FNTA: variants seen among roughly 807,000 people sequenced by gnomAD.
The protein encoded by FNTA is protein farnesyltransferase/geranylgeranyltransferase type-1 subunit alpha.
FNTA carries 27 observed loss-of-function variants against 55.2 expected under a neutral mutation model. The ratio of observed to expected loss-of-function variants is 0.49; its 90% CI spans 0.36 to 0.67. The LOEUF (loss-of-function observed/expected upper bound fraction) is 0.67, where lower values mean the gene tolerates loss of function less well. Ranked by LOEUF, FNTA falls within the 30% of genes least tolerant of loss-of-function variation. The pLI, the probability that FNTA is intolerant of heterozygous loss-of-function variation, is 0.00. For synonymous variants in FNTA, 176 were observed against 170.7 expected (o/e 1.03, Z -0.24); for missense variants, 422 against 464.7 (o/e 0.91, Z 0.85).
intron 4 of FNTA, among the ~76,000 whole-genome samples, chr8:43,071,162 T>G (rs1441717936): frequency 6.6e-6 from 1 of 152,194 alleles, no homozygotes; most frequent in Admixed American, 6.5e-5. Flanking sequence ...TATAGATTTT[T>G]TAAGGGTCCG....
chr8:43,060,173 ACT>A (rs549466905), intron 2 of FNTA, among the ~76,000 whole-genome samples: 191 of 152,240 alleles, frequency 1.3e-3, no homozygotes, highest in African/African-American at 4.5e-3. Flanking sequence ...GAAATGCAAA[ACT>A]CTCATACTTT....
At chr8:43,060,408 C>T (rs535872432) in intron 2 of FNTA, among the ~76,000 whole-genome samples, 1 of 152,304 alleles carries the variant, frequency 6.6e-6, no homozygotes, top group Non-Finnish European at 1.5e-5. Flanking sequence ...GGCGCGGTGG[C>T]TCACGCCTGT....
At chr8:43,084,136 G>C (rs920506209) in intron 7 of FNTA, among the ~76,000 whole-genome samples, 4 of 148,118 alleles carry the variant, frequency 2.7e-5, no homozygotes, top group Admixed American at 2.7e-4. Flanking sequence ...GATTTATTTT[G>C]TGTGTTGTAC....
intron 3 of FNTA, among the ~76,000 whole-genome samples, chr8:43,068,486 G>T (rs191804176): frequency 6.6e-6 from 1 of 152,242 alleles, no homozygotes; most frequent in Admixed American, 6.5e-5. Context: ...CATTTTTGTG[G>T]TTGTTCTAGA....
chr8:43,072,083 T>C (rs1439279200), intron 4 of FNTA, 98 bp from the exon 5 acceptor site: 2 of 909,632 alleles, frequency 2.2e-6, no homozygotes, highest in Non-Finnish European at 3.1e-6. Flanking sequence ...TTTTTGTTTA[T>C]TGTGTGTCCT....
intron 5 of FNTA, among the ~76,000 whole-genome samples, chr8:43,074,149 C>A (rs1214582185): frequency 6.6e-6 from 1 of 152,112 alleles, no homozygotes; most frequent in East Asian, 1.9e-4. Context: ...CCTTCTTTGT[C>A]CCCAACCGAT....
In FNTA at chr8:43,079,215, T is replaced by C. The variant is rs77586519; in HGVS notation, c.782+1851T>C. Reference sequence around the variant, plus strand: ...AAGGTGGCTGCATGTAAACAGAAGATTTTCAGTGTAGATGAAACAGCCTTC... The same window carrying C: ...AAGGTGGCTGCATGTAAACAGAAGACTTTCAGTGTAGATGAAACAGCCTTC... On this transcript the variant is annotated intron_variant, in intron 6 of 8. Coordinates refer to ENST00000302279, the MANE Select transcript of FNTA (RefSeq NM_002027.3). 2.1e-3 allele frequency: 410 copies of C among 194,306 alleles called. 2 individuals are homozygous for C. Among genetic ancestry groups the C allele is most frequent in the African/African-American group, 9.3e-3 (394 of 42,462 alleles). The allele number at this position is 194,306 out of a possible 1,614,324, so 12.0% of individuals were successfully genotyped here. A position where few individuals can be genotyped will look rare whatever the true frequency, so the allele number is the denominator to read the frequency against.
At position 43,059,088 on chromosome 8, in the gene FNTA, T is replaced by C. The variant is rs1364590523; in HGVS notation, c.201-4T>C. The C allele has an allele frequency of 1.2e-6, 2 of 1,611,658 alleles. No homozygotes were observed. The highest frequency in any genetic ancestry group is 3.4e-5 in the Admixed American group (2 of 59,696). ...ACCACTGGTTGGGGAATGTCTGTTT[T>C]CAGGGACAGAGCAGAATGGGCTGAT... On this transcript the variant is annotated splice_polypyrimidine_tract_variant and splice_region_variant and intron_variant, in intron 1 of 8. Transcript: ENST00000302279.
intron 5 of FNTA, among the ~76,000 whole-genome samples, chr8:43,072,675 T>C (rs142576612): frequency 1.2e-4 from 18 of 152,222 alleles, no homozygotes; most frequent in African/African-American, 4.3e-4. Flanking sequence ...TGCAGTGAAC[T>C]ATGATTACAC....
chr8:43,071,633 T>TTGCACTCCAGCCTGGGGGACAA (rs1810792212), intron 4 of FNTA, among the ~76,000 whole-genome samples: 2 of 151,352 alleles, frequency 1.3e-5, no homozygotes, highest in African/African-American at 2.4e-5. Context: ...GATTGCGCCA[T>TTGCACTCCAGCCTGGGGGACAA]TGCACTCCAG....
chr8:43,084,985 A>T, intron 8 of FNTA, 104 bp downstream of exon 8: 1 of 1,269,394 alleles, frequency 7.9e-7, no homozygotes, highest in South Asian at 1.3e-5. Context: ...CTCAGAATTC[A>T]GTGCAGGGCT....
chr8:43,069,366 C>T (rs1810733685), intron 3 of FNTA, among the ~76,000 whole-genome samples, 189 bp from the exon 4 acceptor site: 1 of 151,622 alleles, frequency 6.6e-6, no homozygotes, highest in Non-Finnish European at 1.5e-5. Flanking sequence ...GTGACCTGCA[C>T]ACCTCGGCCT....
Position 43,085,147 on chromosome 8 carries a change from T to C in FNTA, c.1018-13T>C. On this transcript the variant is annotated splice_polypyrimidine_tract_variant and intron_variant, in intron 8 of 8. Coordinates refer to ENST00000302279, the MANE Select transcript of FNTA (RefSeq NM_002027.3). ...AATTACATATTACTTTAATTTTTAT[T>C]TTTCATTTTCAGTTATGTGAAATCC... is the stretch of plus-strand genomic sequence containing the variant. 6.6e-7 allele frequency: 1 copy of C among 1,517,480 alleles called. No homozygotes were observed. Among genetic ancestry groups the C allele is most frequent in the Non-Finnish European group, 9.0e-7 (1 of 1,116,388 alleles). 94.0% of individuals were successfully genotyped at this position (1,517,480 alleles called of 1,614,324 possible). A position where few individuals can be genotyped will look rare whatever the true frequency, so the allele number is the denominator to read the frequency against.
chr8:43,083,172 T>C lies in FNTA; in HGVS notation c.837T>C (p.Tyr279=), dbSNP rs748919779. The C allele has an allele frequency of 6.3e-7, 1 of 1,587,004 alleles. No homozygotes were observed. The highest frequency in any genetic ancestry group is 1.9e-5 in the Admixed American group (1 of 53,618). Reference sequence around the variant, plus strand: ...CACATAATGAAAGTGCATGGAACTATTTGAAAGGGTAAGAGGTTGTTTTTG... The same window carrying C: ...CACATAATGAAAGTGCATGGAACTACTTGAAAGGGTAAGAGGTTGTTTTTG... ...LVPHNESAWN[Y]LKGILQDRGL... is the part of the protein sequence containing the mutation. Residue 279 remains tyrosine (Y), a synonymous_variant, in exon 7 of 9, where the codon TAT becomes TAC. Transcript: ENST00000302279.
At chr8:43,075,008 A>G (rs1319215271) in intron 5 of FNTA, among the ~76,000 whole-genome samples, 1 of 152,206 alleles carries the variant, frequency 6.6e-6, no homozygotes, top group Non-Finnish European at 1.5e-5. Flanking sequence ...CTTTAGTAAG[A>G]TGTTTACCAT....
At chr8:43,075,884 T>TC (rs1182166433) in intron 5 of FNTA, among the ~76,000 whole-genome samples, 1 of 151,674 alleles carries the variant, frequency 6.6e-6, no homozygotes, top group Non-Finnish European at 1.5e-5. Flanking sequence ...TTTTTCTTTT[T>TC]TTTTTTTGGG....
chr8:43,057,105 C>T (rs537457719), intron 1 of FNTA: 1 of 152,324 alleles, frequency 6.6e-6, no homozygotes, highest in South Asian at 2.1e-4. Flanking sequence ...TGCTACTGAA[C>T]CTCTCTTAAG....
In FNTA at chr8:43,072,421, C is replaced by T. The variant is rs1193365882; in HGVS notation, c.633+114C>T. Reference sequence around the variant, plus strand: ...CACACACATACGTAGATCATTGCACCCAATATATAACTAAAAATTATTGGC... The same window carrying T: ...CACACACATACGTAGATCATTGCACTCAATATATAACTAAAAATTATTGGC... On this transcript the variant is annotated intron_variant, in intron 5 of 8. Coordinates refer to ENST00000302279, the MANE Select transcript of FNTA (RefSeq NM_002027.3). 1.4e-5 allele frequency: 9 copies of T among 648,486 alleles called. No homozygotes were observed. The East Asian group carries it at 3.3e-4, about 24-fold the overall frequency. 40.2% of individuals were successfully genotyped at this position (648,486 alleles called of 1,614,324 possible). A position where few individuals can be genotyped will look rare whatever the true frequency, so the allele number is the denominator to read the frequency against.
In FNTA at chr8:43,071,204, A is replaced by G. The variant is rs1810782245; in HGVS notation, c.507-977A>G. On this transcript the variant is annotated intron_variant, in intron 4 of 8. Coordinates refer to ENST00000302279, the MANE Select transcript of FNTA (RefSeq NM_002027.3). ...TGAGATATAGTTCACTTACCATACA[A>G]TTCCCCCATTCAAAGTATATAATTC... is the stretch of plus-strand genomic sequence containing the variant. 2.0e-5 allele frequency among the ~76,000 whole-genome samples: 3 copies of G among 152,190 alleles called. 1 individual carries two copies. The South Asian group carries it at 6.2e-4, about 32-fold the overall frequency.
Sources: gnomAD v4.1 joint callset for allele counts (sites outside exome capture counted in the v4.1 genomes callset) on GRCh38, gnomAD v4.1.1 for gene constraint, MANE v1.5 for transcripts, NCBI Gene and HGNC (gene_info 2026-07-23, HGNC 2026-07-21) for gene names.